Variants in CDC42BPA observed in about 807,000 individuals in gnomAD.
CDC42BPA encodes CDC42 binding protein kinase alpha, also known as serine/threonine-protein kinase MRCK alpha.
Under a neutral mutation model 223.5 loss-of-function variants are expected in CDC42BPA, and 80 were observed. That is an observed-to-expected ratio of 0.36 (90% CI 0.30 to 0.43). CDC42BPA has a LOEUF of 0.43. Ranked by LOEUF, CDC42BPA falls within the 20% of genes least tolerant of loss-of-function variation. CDC42BPA has a pLI of 1.00. For missense variants in CDC42BPA, 1,743 were observed against 2,099.9 expected (o/e 0.83, Z 3.32); for synonymous variants, 694 against 718.6 (o/e 0.97, Z 0.55).
chr1:227,081,579 A>C lies in CDC42BPA; in HGVS notation c.2356-562T>G, dbSNP rs1371259045. Among the ~76,000 whole-genome samples, 4 of 151,740 alleles carry C rather than the reference A, an allele frequency of 2.6e-5. No homozygotes were observed. In the East Asian group the frequency reaches 5.8e-4, roughly 22 times the overall value. On this transcript the variant is annotated intron_variant, in intron 16 of 36. Transcript: ENST00000366766. ...GCGATTCTCCTGTCTCAGCCTCCCC[A>C]GTAGCTGGGATTACAGATGTGCGCC...
intron 2 of CDC42BPA, among the ~76,000 whole-genome samples, chr1:227,221,467 T>A (rs749212584): frequency 6.6e-6 from 1 of 152,214 alleles, no homozygotes; most frequent in Non-Finnish European, 1.5e-5. Context: ...AATCTCATCA[T>A]CTATAAATTA....
chr1:227,182,650 G>A (rs1354646888), intron 5 of CDC42BPA, among the ~76,000 whole-genome samples: 2 of 152,170 alleles, frequency 1.3e-5, no homozygotes, highest in African/African-American at 4.8e-5. Context: ...TTCACCCTCT[G>A]ATAATTAATA....
intron 6 of CDC42BPA, among the ~76,000 whole-genome samples, chr1:227,154,386 G>C (rs1662339396): frequency 6.6e-6 from 1 of 151,726 alleles, no homozygotes; most frequent in Non-Finnish European, 1.5e-5. Flanking sequence ...CATGGTAAGA[G>C]AAAAAAATAG....
At chr1:227,103,881 C>T (rs574612741) in intron 14 of CDC42BPA, among the ~76,000 whole-genome samples, 60 of 152,066 alleles carry the variant, frequency 3.9e-4, no homozygotes, top group African/African-American at 1.4e-3. Context: ...AAATACTTAT[C>T]AAAACTCTGA....
chr1:227,295,805 T>G (rs1690550257), intron 1 of CDC42BPA, among the ~76,000 whole-genome samples: 1 of 152,204 alleles, frequency 6.6e-6, no homozygotes. Flanking sequence ...ACATGTGTTC[T>G]GTGCAGCAGA....
chr1:227,147,513 T>G lies in CDC42BPA; in HGVS notation c.740A>C (p.Glu247Ala). The change falls in exon 7 of 37, where the codon GAA becomes GCA. Residue 247 changes from glutamate to alanine, a missense_variant. Transcript: ENST00000366766. ...TCCATCTTCCATGGCTTGAAGGATT[T>G]CAGGAGAGATATAATCTGGAGTTCC... is the stretch of plus-strand genomic sequence containing the variant. ...AVGTPDYISP[E>A]ILQAMEDGKG... The G allele has an allele frequency of 6.2e-7, 1 of 1,612,922 alleles. No homozygotes were observed. Among genetic ancestry groups the G allele is most frequent in the African/African-American group, 1.3e-5 (1 of 75,020 alleles).
chr1:227,196,407 T>G (rs1040482910), intron 4 of CDC42BPA, among the ~76,000 whole-genome samples: 14 of 137,980 alleles, frequency 1.0e-4, no homozygotes, highest in Admixed American at 7.9e-5. Context: ...TGGCGTGACC[T>G]CAGCTCACTG....
chr1:227,223,253 A>C (rs1426902031), intron 2 of CDC42BPA, among the ~76,000 whole-genome samples: 1 of 152,226 alleles, frequency 6.6e-6, no homozygotes, highest in East Asian at 1.9e-4. Context: ...AGCAAGGCAC[A>C]CAGGCAGGAA....
intron 5 of CDC42BPA, among the ~76,000 whole-genome samples, chr1:227,176,077 T>C (rs1489626561): frequency 2.0e-5 from 3 of 152,088 alleles, no homozygotes; most frequent in Non-Finnish European, 2.9e-5. Flanking sequence ...CTCAGCTCCT[T>C]GAGTAGCTGG....
At chr1:227,021,558 A>C (rs1306731006) in intron 32 of CDC42BPA, among the ~76,000 whole-genome samples, 1 of 152,170 alleles carries the variant, frequency 6.6e-6, no homozygotes, top group Non-Finnish European at 1.5e-5. Context: ...ACCAGAAATC[A>C]AGCAATTTTG....
At chr1:227,185,149 GA>G (rs1668548282) in intron 5 of CDC42BPA, among the ~76,000 whole-genome samples, 1 of 128,340 alleles carries the variant, frequency 7.8e-6, no homozygotes, top group African/African-American at 2.8e-5. Flanking sequence ...ATCTTTACAA[GA>G]AATTTTTTTT....
chr1:227,288,586 T>C (rs776576212), intron 1 of CDC42BPA, among the ~76,000 whole-genome samples: 6 of 151,748 alleles, frequency 4.0e-5, no homozygotes, highest in African/African-American at 1.2e-4. Context: ...GTCCCAGCTA[T>C]TGGGGAGGCT....
At chr1:227,218,228 GATTT>G (rs1675213526) in intron 2 of CDC42BPA, among the ~76,000 whole-genome samples, 2 of 150,408 alleles carry the variant, frequency 1.3e-5, no homozygotes, top group African/African-American at 5.0e-5. Flanking sequence ...TGTATTTTGT[GATTT>G]ATTAAACATC....
intron 12 of CDC42BPA, among the ~76,000 whole-genome samples, chr1:227,114,773 G>A (rs1237740406): frequency 6.6e-6 from 1 of 152,100 alleles, no homozygotes; most frequent in Non-Finnish European, 1.5e-5. Flanking sequence ...TTTCAGGTTA[G>A]AAATACTCAA....
intron 5 of CDC42BPA, among the ~76,000 whole-genome samples, chr1:227,162,840 AG>A (rs1448618001): frequency 4.4e-5 from 6 of 134,902 alleles, no homozygotes; most frequent in Non-Finnish European, 9.6e-5. Flanking sequence ...TGTCTCCAAA[AG>A]AAAAAAATAA....
At chr1:227,248,683 T>C (rs1226221525) in intron 2 of CDC42BPA, among the ~76,000 whole-genome samples, 4 of 152,076 alleles carry the variant, frequency 2.6e-5, no homozygotes, top group African/African-American at 7.2e-5. Context: ...AAGTTATCTA[T>C]GTGTATTTTT....
At position 227,176,203 on chromosome 1, in the gene CDC42BPA, T is replaced by A. The variant is rs117101129; in HGVS notation, c.600-15567A>T. On this transcript the variant is annotated intron_variant, in intron 5 of 36. Transcript: ENST00000366766. ...CCTGATCTTAAGTGATCTGCCCGCCTTGGCCTCTCAAAGTGCTAATATTAC... is the reference window on the plus strand; with the variant it reads ...CCTGATCTTAAGTGATCTGCCCGCCATGGCCTCTCAAAGTGCTAATATTAC... 1.2e-3 allele frequency among the ~76,000 whole-genome samples: 186 copies of A among 152,252 alleles called. 5 individuals carry two copies. In the East Asian group the frequency reaches 0.027, roughly 22 times the overall value.
intron 2 of CDC42BPA, among the ~76,000 whole-genome samples, chr1:227,253,626 A>ACATACATACATACATT (rs1682529416): frequency 6.6e-6 from 1 of 150,774 alleles, no homozygotes; most frequent in Non-Finnish European, 1.5e-5. Context: ...ATACATACAT[A>ACATACATACATACATT]CATACATACA....
At chr1:227,071,346 G>A (rs1678295668) in intron 20 of CDC42BPA, among the ~76,000 whole-genome samples, 1 of 151,834 alleles carries the variant, frequency 6.6e-6, no homozygotes, top group South Asian at 2.1e-4. Flanking sequence ...GATGGCCTTT[G>A]TCAGGAAAAT....
Sources: gnomAD v4.1 joint callset for allele counts (sites outside exome capture counted in the v4.1 genomes callset) on GRCh38, gnomAD v4.1.1 for gene constraint, MANE v1.5 for transcripts, NCBI Gene and HGNC (gene_info 2026-07-23, HGNC 2026-07-21) for gene names.